The following KIRREL3 variants were observed in gnomAD, a reference collection of about 807,000 sequenced individuals.
KIRREL3 encodes kin of IRRE-like protein 3.
KIRREL3 carries 36 observed loss-of-function variants against 89.7 expected under a neutral mutation model. The ratio of observed to expected loss-of-function variants is 0.40; its 90% CI spans 0.31 to 0.53. KIRREL3 has a LOEUF of 0.53. Ranked by LOEUF, KIRREL3 falls within the 20% of genes least tolerant of loss-of-function variation. The pLI, the probability that KIRREL3 is intolerant of heterozygous loss-of-function variation, is 0.49. For missense variants in KIRREL3, 864 were observed against 1,056.6 expected (o/e 0.82, Z 2.53); for synonymous variants, 445 against 441.4 (o/e 1.01, Z -0.10).
At chr11:126,801,786 A>G (rs1233817745) in intron 1 of KIRREL3, among the ~76,000 whole-genome samples, 2 of 152,182 alleles carry the variant, frequency 1.3e-5, no homozygotes, top group African/African-American at 4.8e-5. Context: ...TGAAATACAA[A>G]GTCATGCTGG....
chr11:126,470,944 G>A lies in KIRREL3; in HGVS notation c.591+2365C>T, dbSNP rs373681773. On this transcript the variant is annotated intron_variant, in intron 5 of 16. Coordinates refer to ENST00000525144, the MANE Select transcript of KIRREL3 (RefSeq NM_032531.4). The stretch of plus-strand genomic sequence containing the variant: ...CTCTGTGGTACATTAACCCCATCTG[G>A]GACTCTATGCACAGTTTTGTTGAGT... 5.9e-5 allele frequency among the ~76,000 whole-genome samples: 9 copies of A among 152,308 alleles called. No individual in the cohort carries two copies. The South Asian group carries it at 1.0e-3, about 18-fold the overall frequency.
rs1236730493 is a variant in KIRREL3, at chr11:126,768,251, C to T, written c.56-205339G>A. 6.6e-6 allele frequency among the ~76,000 whole-genome samples: 1 copy of T among 151,198 alleles called. No individual in the cohort carries two copies. The highest frequency in any genetic ancestry group is 2.4e-5 in the African/African-American group (1 of 40,894). On this transcript the variant is annotated intron_variant, in intron 1 of 16. Coordinates refer to ENST00000525144, the MANE Select transcript of KIRREL3 (RefSeq NM_032531.4). The surrounding 1 kb of genome is among the most constrained non-coding windows in gnomAD (Gnocchi z 4.5). Reference sequence around the variant, plus strand: ...CAATCTGTCCATCTGTCCATCCATACATGCATCCACCCATCCATCCATCCA... The same window carrying T: ...CAATCTGTCCATCTGTCCATCCATATATGCATCCACCCATCCATCCATCCA...
In KIRREL3 at chr11:126,954,449, G is replaced by T. The variant is rs1258154198; in HGVS notation, c.55+46006C>A. Reference sequence around the variant, plus strand: ...GATCTGTAAATTACAAATCATCTGGGCCCTCAGAAATGCTTAATTATGCCC... The same window carrying T: ...GATCTGTAAATTACAAATCATCTGGTCCCTCAGAAATGCTTAATTATGCCC... On this transcript the variant is annotated intron_variant, in intron 1 of 16. Transcript: ENST00000525144. This position sits in a 1 kb window ranked among gnomAD's most constrained non-coding sequence, Gnocchi z 4.1. 1.3e-5 allele frequency among the ~76,000 whole-genome samples: 2 copies of T among 151,966 alleles called. No individual in the cohort carries two copies. The highest frequency in any genetic ancestry group is 1.9e-4 in the East Asian group (1 of 5,178).
At position 126,965,136 on chromosome 11, in the gene KIRREL3, G is replaced by C. The variant is rs1949225472; in HGVS notation, c.55+35319C>G. ...CTCAAGAACAGAGAGATAAAATGGAGATAAGTGTGAGTTAGGAGCTCTGGG... is the reference window on the plus strand; with the variant it reads ...CTCAAGAACAGAGAGATAAAATGGACATAAGTGTGAGTTAGGAGCTCTGGG... On this transcript the variant is annotated intron_variant, in intron 1 of 16. Coordinates refer to ENST00000525144, the MANE Select transcript of KIRREL3 (RefSeq NM_032531.4). This position sits in a 1 kb window ranked among gnomAD's most constrained non-coding sequence, Gnocchi z 4.4. Among the ~76,000 whole-genome samples, 1 of 152,314 alleles carries C rather than the reference G, an allele frequency of 6.6e-6. No individual in the cohort carries two copies. The highest frequency in any genetic ancestry group is 1.9e-4 in the East Asian group (1 of 5,182).
intron 1 of KIRREL3, among the ~76,000 whole-genome samples, chr11:126,602,702 C>G (rs1187223378): frequency 6.6e-6 from 1 of 152,208 alleles, no homozygotes; most frequent in Non-Finnish European, 1.5e-5. Flanking sequence ...ATCACCTGGG[C>G]CAGGCTTCCA....
At chr11:126,899,281 C>T (rs1946280902) in intron 1 of KIRREL3, among the ~76,000 whole-genome samples, 3 of 152,088 alleles carry the variant, frequency 2.0e-5, no homozygotes, top group Admixed American at 2.0e-4. Flanking sequence ...TGCTTTATAG[C>T]CTTTCACTCC....
chr11:126,727,339 C>T lies in KIRREL3; in HGVS notation c.56-164427G>A, dbSNP rs1369231509. Among the ~76,000 whole-genome samples the T allele has an allele frequency of 4.6e-5, 7 of 152,384 alleles. No homozygotes were observed. The East Asian group carries it at 7.7e-4, about 17-fold the overall frequency. On this transcript the variant is annotated intron_variant, in intron 1 of 16. Transcript: ENST00000525144. Reference sequence around the variant, plus strand: ...CTCCTTCCTCACCTCCCAGACCCCTCGGAAAGTGTTCCCCACCAGAAATGT... The same window carrying T: ...CTCCTTCCTCACCTCCCAGACCCCTTGGAAAGTGTTCCCCACCAGAAATGT...
In KIRREL3 at chr11:126,576,214, G is replaced by T. The variant is rs58478236; in HGVS notation, c.56-13302C>A. 4.9e-3 allele frequency among the ~76,000 whole-genome samples: 752 copies of T among 152,292 alleles called. 44 individuals carry two copies. The East Asian group carries it at 0.13, about 27-fold the overall frequency. ...AGGGCTGAGGTCTGAGATCTCTGCTGGTTTGAGAATGGGACTTCCTCCTAC... is the reference window on the plus strand; with the variant it reads ...AGGGCTGAGGTCTGAGATCTCTGCTTGTTTGAGAATGGGACTTCCTCCTAC... On this transcript the variant is annotated intron_variant, in intron 1 of 16. Transcript: ENST00000525144. This position sits in a 1 kb window ranked among gnomAD's most constrained non-coding sequence, Gnocchi z 5.4.
In KIRREL3 at chr11:126,879,164, C is replaced by A. The variant is rs1403639699; in HGVS notation, c.55+121291G>T. Reference sequence around the variant, plus strand: ...GTCCAGCTAAATGTAAAGAGGGAAACTGGAGCTCATCACGGAGGTAATGTA... The same window carrying A: ...GTCCAGCTAAATGTAAAGAGGGAAAATGGAGCTCATCACGGAGGTAATGTA... On this transcript the variant is annotated intron_variant, in intron 1 of 16. Transcript: ENST00000525144. This position sits in a 1 kb window ranked among gnomAD's most constrained non-coding sequence, Gnocchi z 5.4. Among the ~76,000 whole-genome samples the A allele has an allele frequency of 6.6e-6, 1 of 152,154 alleles. No homozygotes were observed. The highest frequency in any genetic ancestry group is 2.4e-5 in the African/African-American group (1 of 41,430).
rs1324193345 is a variant in KIRREL3 at position 126,447,032 on chromosome 11, A to C, written c.998-146T>G. 3.0e-5 allele frequency: 30 copies of C among 1,012,886 alleles called. 1 individual carries two copies. The highest frequency in any genetic ancestry group is 3.9e-5 in the Non-Finnish European group (27 of 700,452). The allele number at this position is 1,012,886 out of a possible 1,614,324, so 62.7% of individuals were successfully genotyped here. A position where few individuals can be genotyped will look rare whatever the true frequency, so the allele number is the denominator to read the frequency against. The stretch of plus-strand genomic sequence containing the variant: ...TGCCACCTCAGTCGCTTCCATTTTA[A>C]GTCTTATGTCCGGGCGGGGTCTGGG... On this transcript the variant is annotated intron_variant, in intron 8 of 16. Transcript: ENST00000525144.
intron 1 of KIRREL3, among the ~76,000 whole-genome samples, chr11:126,874,222 A>T (rs1945199425): frequency 6.6e-6 from 1 of 152,132 alleles, no homozygotes; most frequent in Non-Finnish European, 1.5e-5. Context: ...AACTCTCCTA[A>T]ACTTCCCCAG....
rs768412902 is a variant in KIRREL3 at position 126,772,255 on chromosome 11, G to A, written c.56-209343C>T. On this transcript the variant is annotated intron_variant, in intron 1 of 16. Transcript: ENST00000525144. This position sits in a 1 kb window ranked among gnomAD's most constrained non-coding sequence, Gnocchi z 4.6. The stretch of plus-strand genomic sequence containing the variant: ...AGAACAGTGCTAAGATTTGGATAGG[G>A]GAATTGAGGAAGAATGTCAATATTT... Among the ~76,000 whole-genome samples, 2 of 152,166 alleles carry A rather than the reference G, an allele frequency of 1.3e-5. No homozygotes were observed. Among genetic ancestry groups the A allele is most frequent in the Non-Finnish European group, 2.9e-5 (2 of 68,034 alleles).
At chr11:126,919,901 T>C (rs577044950) in intron 1 of KIRREL3, among the ~76,000 whole-genome samples, 3 of 152,274 alleles carry the variant, frequency 2.0e-5, no homozygotes, top group South Asian at 4.1e-4. Context: ...AGAGTAACAA[T>C]ATTGTTACTA....
chr11:126,577,208 A>G (rs1265458177), intron 1 of KIRREL3, among the ~76,000 whole-genome samples: 1 of 152,158 alleles, frequency 6.6e-6, no homozygotes, highest in Non-Finnish European at 1.5e-5. Context: ...GTGGTCTTTA[A>G]AGGATGAACA....
chr11:126,483,663 C>A (rs1957278855), intron 4 of KIRREL3, among the ~76,000 whole-genome samples: 1 of 152,248 alleles, frequency 6.6e-6, no homozygotes, highest in Non-Finnish European at 1.5e-5. Context: ...TGGGGGCCTT[C>A]CCCGGTTCTC....
Position 126,967,563 on chromosome 11 carries a change from C to T in KIRREL3, c.55+32892G>A, listed in dbSNP as rs1388667622. On this transcript the variant is annotated intron_variant, in intron 1 of 16. Coordinates refer to ENST00000525144, the MANE Select transcript of KIRREL3 (RefSeq NM_032531.4). ...ATCTTCACAGTAACCCCGAGAAATG[C>T]CACCACTGGACTTGTTACATCCATC... Among the ~76,000 whole-genome samples the T allele has an allele frequency of 2.0e-5, 3 of 152,088 alleles. No homozygotes were observed. In the East Asian group the frequency reaches 5.8e-4, roughly 29 times the overall value.
chr11:126,864,969 G>A (rs1050646177), intron 1 of KIRREL3, among the ~76,000 whole-genome samples: 2 of 152,104 alleles, frequency 1.3e-5, no homozygotes, highest in East Asian at 1.9e-4. Flanking sequence ...TTCCATGGCC[G>A]GATCAAAGAG....
intron 4 of KIRREL3, among the ~76,000 whole-genome samples, chr11:126,509,528 T>G (rs1958131055): frequency 6.6e-6 from 1 of 152,270 alleles, no homozygotes; most frequent in Non-Finnish European, 1.5e-5. Flanking sequence ...TTTTTCCTTT[T>G]TTTCCCCAGC....
In KIRREL3 at chr11:126,707,242, A is replaced by T. The variant is rs887288880; in HGVS notation, c.56-144330T>A. 3.9e-3 allele frequency among the ~76,000 whole-genome samples: 476 copies of T among 123,200 alleles called. 1 individual carries two copies. Among genetic ancestry groups the T allele is most frequent in the African/African-American group, 0.014 (428 of 31,412 alleles). 80.8% of individuals were successfully genotyped at this position (123,200 alleles called of 152,430 possible). A position where few individuals can be genotyped will look rare whatever the true frequency, so the allele number is the denominator to read the frequency against. On this transcript the variant is annotated intron_variant, in intron 1 of 16. Coordinates refer to ENST00000525144, the MANE Select transcript of KIRREL3 (RefSeq NM_032531.4). ...ATTGCAGACATAAGACACCTTGTCC[A>T]TGGCTTTTTTTTTTTTTTTTTTGGC...
Sources: gnomAD v4.1 joint callset for allele counts (sites outside exome capture counted in the v4.1 genomes callset) on GRCh38, gnomAD v4.1.1 for gene constraint, Gnocchi (gnomAD v3.1) non-coding constraint, MANE v1.5 for transcripts, NCBI Gene and HGNC (gene_info 2026-07-23, HGNC 2026-07-21) for gene names.